Variants in TMEM131 observed in about 807,000 individuals in gnomAD.
TMEM131 encodes the protein 2610524E03Rik.
A neutral mutation model predicts 211.6 loss-of-function variants in TMEM131; 66 were observed. The ratio of observed to expected loss-of-function variants is 0.31; its 90% CI spans 0.26 to 0.38. TMEM131 has a LOEUF of 0.38. Ranked by LOEUF, TMEM131 falls within the 10% of genes least tolerant of loss-of-function variation. The probability of loss-of-function intolerance (pLI) is 1.00; values close to 1 mark genes in which losing one functional copy is unlikely to be tolerated. For synonymous variants in TMEM131, 844 were observed against 841.3 expected, an observed-to-expected ratio of 1.00 and a Z score of -0.06; for missense variants, 2,036 against 2,299.3, an observed-to-expected ratio of 0.89 and a Z score of 2.34.
rs528311328 is a variant in TMEM131 at position 97,855,940 on chromosome 2, C to T, written c.483+3364G>A. Among the ~76,000 whole-genome samples the T allele has an allele frequency of 2.3e-4, 35 of 152,200 alleles. No homozygotes were observed. In the South Asian group the frequency reaches 7.1e-3, roughly 31 times the overall value. On this transcript the variant is annotated intron_variant, in intron 5 of 40. Coordinates refer to ENST00000186436, the MANE Select transcript of TMEM131 (RefSeq NM_015348.2). ...ATAATCATTAATATTTATTAACACC[C>T]TTCAACCCATGAGAAGAGATTGATC...
At chr2:97,962,372 C>T (rs1431009691) in intron 1 of TMEM131, among the ~76,000 whole-genome samples, 2 of 152,120 alleles carry the variant, frequency 1.3e-5, no homozygotes, top group African/African-American at 4.8e-5. Context: ...GGCGTGGTGG[C>T]GGGTGTCTGT....
intron 4 of TMEM131, among the ~76,000 whole-genome samples, chr2:97,885,729 A>T (rs1443669591): frequency 6.6e-6 from 1 of 152,146 alleles, no homozygotes; most frequent in Non-Finnish European, 1.5e-5. Flanking sequence ...ACATCTGATA[A>T]TTTGACTATA....
chr2:97,876,661 C>T (rs1265395942), intron 4 of TMEM131, among the ~76,000 whole-genome samples: 3 of 152,130 alleles, frequency 2.0e-5, no homozygotes, highest in Non-Finnish European at 4.4e-5. Context: ...CTCCTTCATG[C>T]TAAAAACTGT....
At chr2:97,950,931 GAA>G (rs1678282640) in intron 1 of TMEM131, among the ~76,000 whole-genome samples, 1 of 152,168 alleles carries the variant, frequency 6.6e-6, no homozygotes, top group Non-Finnish European at 1.5e-5. Flanking sequence ...TTGCAGTAAA[GAA>G]AGTACAATAA....
At chr2:97,910,595 G>A (rs940582282) in intron 2 of TMEM131, among the ~76,000 whole-genome samples, 4 of 152,236 alleles carry the variant, frequency 2.6e-5, no homozygotes, top group South Asian at 2.1e-4. Flanking sequence ...ATGTAAAAGC[G>A]TTCCTATTTC....
chr2:97,818,783 T>C (rs78683450), intron 11 of TMEM131, 62 bp from the exon 12 acceptor site: 31,095 of 1,102,698 alleles, frequency 0.028, 563 homozygotes, highest in Non-Finnish European at 0.033. Flanking sequence ...AGTTGCCTTA[T>C]ACTTATACTG....
chr2:97,941,646 C>T (rs964519722), intron 1 of TMEM131, among the ~76,000 whole-genome samples: 5 of 152,128 alleles, frequency 3.3e-5, no homozygotes, highest in Admixed American at 6.6e-5. Flanking sequence ...CAAACAACCC[C>T]ATCAAAAAGT....
intron 1 of TMEM131, among the ~76,000 whole-genome samples, chr2:97,946,986 C>CA (rs1467747116): frequency 1.3e-5 from 2 of 151,268 alleles, no homozygotes; most frequent in Non-Finnish European, 3.0e-5. Context: ...AAAAAACAGA[C>CA]AAAAAACATT....
In TMEM131 at chr2:97,829,101, C is replaced by T. The variant is rs578244730; in HGVS notation, c.1074+4264G>A. Among the ~76,000 whole-genome samples, 22 of 152,266 alleles carry T rather than the reference C, an allele frequency of 1.4e-4. No homozygotes were observed. In the South Asian group the frequency reaches 4.4e-3, roughly 30 times the overall value. On this transcript the variant is annotated intron_variant, in intron 11 of 40. Transcript: ENST00000186436. ...GCAGGGTCCCTTCTTTGCCCTTATCCAGTAGGAAGTAGCTAGAATGATCAT... is the reference window on the plus strand; with the variant it reads ...GCAGGGTCCCTTCTTTGCCCTTATCTAGTAGGAAGTAGCTAGAATGATCAT...
At chr2:97,855,418 G>C (rs1310834377) in intron 5 of TMEM131, among the ~76,000 whole-genome samples, 2 of 152,130 alleles carry the variant, frequency 1.3e-5, no homozygotes, top group Non-Finnish European at 2.9e-5. Context: ...TGGCATTATA[G>C]GCAAGGCACG....
intron 33 of TMEM131, 102 bp downstream of exon 33, chr2:97,772,195 A>G (rs1679498248): frequency 5.4e-6 from 8 of 1,469,952 alleles, no homozygotes; most frequent in Non-Finnish European, 7.4e-6. Context: ...CAACTCCCCT[A>G]AAAGCCAACC....
At chr2:97,985,356 C>T (rs974481482) in intron 1 of TMEM131, among the ~76,000 whole-genome samples, 2 of 150,944 alleles carry the variant, frequency 1.3e-5, no homozygotes, top group East Asian at 3.9e-4. Flanking sequence ...TTACTTAATA[C>T]ATATATATAT....
intron 1 of TMEM131, among the ~76,000 whole-genome samples, chr2:97,944,176 G>A (rs961134960): frequency 1.3e-5 from 2 of 152,078 alleles, no homozygotes; most frequent in Non-Finnish European, 2.9e-5. Context: ...CGCATTTATG[G>A]CCAATTGATT....
chr2:97,820,686 G>A (rs1682073043), intron 11 of TMEM131, among the ~76,000 whole-genome samples: 1 of 152,048 alleles, frequency 6.6e-6, no homozygotes, highest in South Asian at 2.1e-4. Context: ...GTGAAAGCTC[G>A]TCTCTACTAA....
chr2:97,871,804 A>G (rs2105225244), intron 4 of TMEM131, among the ~76,000 whole-genome samples: 1 of 152,300 alleles, frequency 6.6e-6, no homozygotes, highest in Middle Eastern at 3.4e-3. Context: ...CATGTTAGTA[A>G]AACTCTTTAT....
chr2:97,927,407 C>A lies in TMEM131; in HGVS notation c.249+19G>T. 6.4e-7 allele frequency: 1 copy of A among 1,570,420 alleles called. No homozygotes were observed. The highest frequency in any genetic ancestry group is 8.6e-7 in the Non-Finnish European group (1 of 1,158,434). The stretch of plus-strand genomic sequence containing the variant: ...TATTCAAGGCTTAACAATAACTTGT[C>A]TACTTAAAAAAAAATTACCTGTAGT... On this transcript the variant is annotated intron_variant, in intron 2 of 40. Transcript: ENST00000186436.
intron 1 of TMEM131, among the ~76,000 whole-genome samples, chr2:97,955,565 C>A (rs1678530558): frequency 6.6e-6 from 1 of 152,086 alleles, no homozygotes; most frequent in African/African-American, 2.4e-5. Context: ...TGAAAATCAT[C>A]TAAAACTTCT....
chr2:97,812,337 T>C, intron 17 of TMEM131, 84 bp downstream of exon 17: 1 of 1,416,858 alleles, frequency 7.1e-7, no homozygotes, highest in Non-Finnish European at 9.6e-7. Flanking sequence ...AAAATAATAG[T>C]GATACATGTA....
At chr2:97,957,750 GTA>G (rs2104556039) in intron 1 of TMEM131, among the ~76,000 whole-genome samples, 1 of 152,302 alleles carries the variant, frequency 6.6e-6, no homozygotes, top group Admixed American at 6.5e-5. Flanking sequence ...TGGCTGCCAA[GTA>G]TGTTGACAAA....
Sources: allele counts gnomAD v4.1 joint callset (sites outside exome capture counted in the v4.1 genomes callset), GRCh38; gene constraint gnomAD v4.1.1; transcripts MANE v1.5; gene names NCBI Gene and HGNC (gene_info 2026-07-23, HGNC 2026-07-21).